NAV1: variants seen among roughly 807,000 people sequenced by gnomAD.
The protein encoded by NAV1 is pore membrane and/or filament interacting like protein 3.
NAV1 carries 18 observed loss-of-function variants against 175.2 expected under a neutral mutation model. That is an observed-to-expected ratio of 0.10 (90% CI 0.07 to 0.15). NAV1 has a LOEUF of 0.15. Among genes scored for constraint, NAV1 ranks in the 10% least tolerant of loss-of-function variants. NAV1 has a pLI of 1.00. For missense variants in NAV1, 1,731 were observed against 2,436.6 expected (o/e 0.71, Z 6.10); for synonymous variants, 897 against 978.7 (o/e 0.92, Z 1.56).
chr1:201,674,391 T>TG (rs879937362), intron 1 of NAV1, among the ~76,000 whole-genome samples: 7 of 136,256 alleles, frequency 5.1e-5, no homozygotes, highest in African/African-American at 8.7e-5. Context: ...GAGTGTGTGT[T>TG]GGGGGGGGTT....
At chr1:201,571,991 T>C (rs143392720) in intron 1 of NAV1, among the ~76,000 whole-genome samples, 1 of 152,330 alleles carries the variant, frequency 6.6e-6, no homozygotes, top group Admixed American at 6.5e-5. Context: ...TTATTAACAC[T>C]TCACTCACTC....
At position 201,787,352 on chromosome 1, in the gene NAV1, G is replaced by T. The variant is rs1167526120; in HGVS notation, c.2995+775G>T. On this transcript the variant is annotated intron_variant, in intron 9 of 29. Transcript: ENST00000367296. The surrounding 1 kb of genome is among the most constrained non-coding windows in gnomAD (Gnocchi z 4.3). ...CATCTCTTCTTTCAGCTGAGTAAAA[G>T]AAATCAGTTAATAAAAGACAAGGAC... 1.3e-5 allele frequency among the ~76,000 whole-genome samples: 2 copies of T among 152,178 alleles called. No individual in the cohort carries two copies. Among genetic ancestry groups the T allele is most frequent in the Non-Finnish European group, 2.9e-5 (2 of 68,026 alleles).
In NAV1 at chr1:201,602,630, A is replaced by C. The variant is rs968395799; in HGVS notation, c.-33+13981A>C. Among the ~76,000 whole-genome samples the C allele has an allele frequency of 1.3e-4, 20 of 148,636 alleles. No individual in the cohort carries two copies. In the South Asian group the frequency reaches 2.1e-3, roughly 16 times the overall value. ...GGCTTGAGCCACTGCACCTAGACTT[A>C]AGCTATGTTTTTTTTTTTTGGTTTT... On this transcript the variant is annotated intron_variant, in intron 2 of 33. Coordinates refer to the NAV1 transcript ENST00000685211.
chr1:201,562,171 A>ATTTTTTTTTTTT (rs566214709), intron 1 of NAV1, among the ~76,000 whole-genome samples: 4 of 127,250 alleles, frequency 3.1e-5, no homozygotes, highest in African/African-American at 1.3e-4. Flanking sequence ...TGCCTGGCTA[A>ATTTTTTTTTTTT]TTTTTTTTTT....
chr1:201,680,369 G>A (rs1412766991), intron 1 of NAV1, among the ~76,000 whole-genome samples: 7 of 152,104 alleles, frequency 4.6e-5, no homozygotes, highest in Non-Finnish European at 8.8e-5. Flanking sequence ...AGCCAGGCAT[G>A]GTGACACATG....
chr1:201,555,829 C>A (rs958353026), intron 1 of NAV1, among the ~76,000 whole-genome samples: 1 of 124,438 alleles, frequency 8.0e-6, no homozygotes, highest in Admixed American at 1.1e-4. Flanking sequence ...GATGGGTTCC[C>A]GGGTGCTGGA....
chr1:201,548,684 T>C (rs1010429824), intron 1 of NAV1, among the ~76,000 whole-genome samples: 3 of 152,196 alleles, frequency 2.0e-5, no homozygotes, highest in African/African-American at 7.2e-5. Context: ...CAAGAGTCTG[T>C]CAAAGTGTTA....
chr1:201,636,419 A>T (rs1486975756), intron 2 of NAV1, among the ~76,000 whole-genome samples: 1 of 152,214 alleles, frequency 6.6e-6, no homozygotes, highest in Non-Finnish European at 1.5e-5. Context: ...GAGAGAGGTG[A>T]CACAGACACA....
intron 2 of NAV1, among the ~76,000 whole-genome samples, chr1:201,608,767 C>T (rs1667764525): frequency 6.6e-6 from 1 of 152,154 alleles, no homozygotes; most frequent in Admixed American, 6.5e-5. Flanking sequence ...GGCGCTGGGA[C>T]CTTGGGCAGT....
intron 1 of NAV1, among the ~76,000 whole-genome samples, chr1:201,578,507 A>AG (rs1295864392): frequency 1.3e-5 from 2 of 152,180 alleles, no homozygotes; most frequent in Non-Finnish European, 2.9e-5. Context: ...TGTGGGAAGC[A>AG]GGAAGGGTGC....
In NAV1 at chr1:201,810,349, AAAG is replaced by A. The variant is rs1678610489; in HGVS notation, c.4562-169_4562-167del. The stretch of plus-strand genomic sequence containing the variant: ...CCCCCAGCTCACAGCATGTCCCTAA[AAAG>A]AAGATCTAAGTTTTCAAAACTAGGG... On this transcript the variant is annotated intron_variant, in intron 23 of 29. Coordinates refer to ENST00000367296, the Ensembl canonical transcript of NAV1. The surrounding 1 kb of genome is among the most constrained non-coding windows in gnomAD (Gnocchi z 6.0). 6.6e-6 allele frequency among the ~76,000 whole-genome samples: 1 copy of A among 152,044 alleles called. No individual in the cohort carries two copies. The highest frequency in any genetic ancestry group is 1.5e-5 in the Non-Finnish European group (1 of 67,990).
intron 1 of NAV1, among the ~76,000 whole-genome samples, chr1:201,569,634 T>C (rs983069295): frequency 6.6e-5 from 10 of 152,208 alleles, no homozygotes; most frequent in African/African-American, 2.4e-4. Context: ...GAAGGTACAG[T>C]GATTCTGGGA....
chr1:201,780,461 G>T (rs1488351450), exon 4 of NAV1: 1 of 1,614,090 alleles, frequency 6.2e-7, no homozygotes, highest in Non-Finnish European at 8.5e-7. Flanking sequence ...ACTCAGCGAT[G>T]CCTCAGACAA....
intron 17 of NAV1, 66 bp downstream of exon 21, chr1:201,804,563 A>T: frequency 1.2e-6 from 1 of 840,398 alleles, no homozygotes; most frequent in Non-Finnish European, 1.8e-6. Flanking sequence ...CTATTTCCAG[A>T]GCAACTCCCT....
intron 1 of NAV1, among the ~76,000 whole-genome samples, chr1:201,681,158 A>G (rs1670448583): frequency 1.3e-5 from 2 of 152,176 alleles, no homozygotes; most frequent in South Asian, 4.1e-4. Context: ...CTTCTGCAGA[A>G]TAACATCCTG....
chr1:201,582,430 G>T (rs1666896205), intron 1 of NAV1, among the ~76,000 whole-genome samples: 1 of 152,222 alleles, frequency 6.6e-6, no homozygotes, highest in South Asian at 2.1e-4. Flanking sequence ...CTTGGATATT[G>T]CTATGACACC....
intron 3 of NAV1, among the ~76,000 whole-genome samples, chr1:201,730,189 G>A (rs886771202): frequency 5.3e-5 from 8 of 152,142 alleles, no homozygotes; most frequent in Non-Finnish European, 1.0e-4. Context: ...TGATTCTCTC[G>A]CAATTGCATA....
chr1:201,549,137 TTCTTTCTTCTTTCTC>T (rs1205852369), intron 1 of NAV1, among the ~76,000 whole-genome samples: 18 of 141,492 alleles, frequency 1.3e-4, no homozygotes, highest in Non-Finnish European at 2.2e-4. Flanking sequence ...CTTTCTTTCT[TTCTTTCTTCTTTCTC>T]TCTCTCTCTT....
chr1:201,719,785 TCAGGGA>T (rs1230767792), intron 3 of NAV1, among the ~76,000 whole-genome samples: 1 of 152,062 alleles, frequency 6.6e-6, no homozygotes, highest in African/African-American at 2.4e-5. Flanking sequence ...CCCTTCCTTC[TCAGGGA>T]CTTAATATCT....
Sources: gnomAD v4.1 joint callset for allele counts (sites outside exome capture counted in the v4.1 genomes callset) on GRCh38, gnomAD v4.1.1 for gene constraint, Gnocchi (gnomAD v3.1) non-coding constraint, MANE v1.5 for transcripts, NCBI Gene and HGNC (gene_info 2026-07-23, HGNC 2026-07-21) for gene names.